Variants in ABCC4 observed in about 807,000 individuals in gnomAD.
The protein encoded by ABCC4 is ATP binding cassette subfamily C member 4 (PEL blood group), also known as ATP-binding cassette sub-family C member 4.
In ABCC4, 102 loss-of-function variants were observed where a neutral mutation model predicts 168.5. That is an observed-to-expected ratio of 0.61 (90% CI 0.52 to 0.71). The LOEUF is 0.71. Ranked by LOEUF, ABCC4 falls within the 30% of genes least tolerant of loss-of-function variation. The pLI, the probability that ABCC4 is intolerant of heterozygous loss-of-function variation, is 0.00. For missense variants in ABCC4, 1,402 were observed against 1,605.8 expected, an observed-to-expected ratio of 0.87 and a Z score of 2.17; for synonymous variants, 617 against 590.7, an observed-to-expected ratio of 1.04 and a Z score of -0.65.
At chr13:95,198,409 T>TAC (rs1180007038) in intron 8 of ABCC4, among the ~76,000 whole-genome samples, 3 of 152,172 alleles carry the variant, frequency 2.0e-5, no homozygotes. Context: ...CACAATGAGA[T>TAC]ACCATCTCAC....
chr13:95,282,162 C>G (rs1409178178), intron 1 of ABCC4, among the ~76,000 whole-genome samples: 1 of 150,204 alleles, frequency 6.7e-6, no homozygotes, highest in African/African-American at 2.4e-5. Context: ...AAATCCCCGT[C>G]TTCAAATACA....
intron 29 of ABCC4, among the ~76,000 whole-genome samples, chr13:95,040,318 G>A (rs1284769724): frequency 5.9e-5 from 9 of 152,132 alleles, no homozygotes; most frequent in East Asian, 1.9e-4. Context: ...TGCAACCTCC[G>A]CCTCCCAGGT....
rs1462740863 is a variant in ABCC4 at position 95,176,331 on chromosome 13, C to CA, written c.1727+1375dup. Among the ~76,000 whole-genome samples the CA allele has an allele frequency of 6.3e-4, 89 of 140,474 alleles. 1 individual carries two copies. In the Middle Eastern group the frequency reaches 0.024, roughly 38 times the overall value. 92.2% of individuals were successfully genotyped at this position (140,474 alleles called of 152,430 possible). A position where few individuals can be genotyped will look rare whatever the true frequency, so the allele number is the denominator to read the frequency against. Reference sequence around the variant, plus strand: ...ACAACATGGCAAAGCCCCCTCTCTTCAAAAAAACACTGAATGAGCTGGGCA... The same window carrying CA: ...ACAACATGGCAAAGCCCCCTCTCTTCAAAAAAAACACTGAATGAGCTGGGCA... On this transcript the variant is annotated intron_variant, in intron 13 of 30. Coordinates refer to ENST00000645237, the MANE Select transcript of ABCC4 (RefSeq NM_005845.5).
At chr13:95,134,514 A>G (rs2036077045) in intron 19 of ABCC4, among the ~76,000 whole-genome samples, 1 of 152,150 alleles carries the variant, frequency 6.6e-6, no homozygotes, top group Non-Finnish European at 1.5e-5. Context: ...TGAGCTCAGG[A>G]GTTCGAGATC....
At chr13:95,083,086 G>A in intron 21 of ABCC4, 54 bp downstream of exon 21, 2 of 1,563,604 alleles carry the variant, frequency 1.3e-6, no homozygotes, top group Non-Finnish European at 1.7e-6. Context: ...GTAATTTATG[G>A]CATAAATGGA....
chr13:95,245,931 C>T (rs1204848776), intron 3 of ABCC4, among the ~76,000 whole-genome samples: 5 of 145,068 alleles, frequency 3.4e-5, no homozygotes, highest in African/African-American at 1.0e-4. Flanking sequence ...CCCCATCCTG[C>T]ATTTAAAGCC....
intron 1 of ABCC4, among the ~76,000 whole-genome samples, chr13:95,290,237 C>T (rs1431216424): frequency 2.0e-5 from 3 of 152,096 alleles, no homozygotes; most frequent in Non-Finnish European, 2.9e-5. Flanking sequence ...ATTTTTATGG[C>T]TGTCCAGGTG....
At chr13:95,224,226 TA>T (rs2138722810) in intron 4 of ABCC4, among the ~76,000 whole-genome samples, 1 of 148,280 alleles carries the variant, frequency 6.7e-6, no homozygotes, top group African/African-American at 2.5e-5. Flanking sequence ...AGAGAAACAT[TA>T]CAAACAAGGT....
intron 1 of ABCC4, among the ~76,000 whole-genome samples, chr13:95,280,233 T>C (rs945839951): frequency 1.1e-4 from 16 of 151,756 alleles, no homozygotes; most frequent in African/African-American, 3.9e-4. Context: ...CTGACCAACA[T>C]AGTGAAACCC....
chr13:95,043,916 G>A (rs1253899516), intron 28 of ABCC4, 129 bp from the exon 29 acceptor site: 2 of 637,914 alleles, frequency 3.1e-6, no homozygotes, highest in East Asian at 5.5e-5. Context: ...TAAAAATCAT[G>A]TTAAAATGTT....
chr13:95,186,707 C>G lies in ABCC4; in HGVS notation c.1539G>C (p.Leu513=), dbSNP rs2038073300. The change falls in exon 11 of 31, where the codon CTG becomes CTC. Residue 513 remains leucine, a synonymous_variant. Transcript: ENST00000645237. ...RYEKVIKACA[L]KKDLQLLEDG... ...TCCAAAAGTCATCACTCACCTTTTT[C>G]AGAGCACAAGCCTTTATGACTTTTT... is the stretch of plus-strand genomic sequence containing the variant. The G allele has an allele frequency of 6.2e-7, 1 of 1,611,502 alleles. No homozygotes were observed. The highest frequency in any genetic ancestry group is 8.5e-7 in the Non-Finnish European group (1 of 1,178,794).
chr13:95,116,947 TC>T (rs2139414705), intron 19 of ABCC4, among the ~76,000 whole-genome samples: 1 of 152,312 alleles, frequency 6.6e-6, no homozygotes, highest in Non-Finnish European at 1.5e-5. Flanking sequence ...AGGATTGACT[TC>T]GTCCTGGGGC....
rs538099479 is a variant in ABCC4 at position 95,123,439 on chromosome 13, C to T, written c.2456-7438G>A. On this transcript the variant is annotated intron_variant, in intron 19 of 30. Transcript: ENST00000645237. ...GCACACTAGCACGATCTCGGCTCAC[C>T]GCAACCTCCACTTCCCAGATCCAAG... 9.9e-5 allele frequency among the ~76,000 whole-genome samples: 15 copies of T among 152,234 alleles called. No individual in the cohort carries two copies. In the East Asian group the frequency reaches 1.4e-3, roughly 14 times the overall value.
At chr13:95,207,967 A>G (rs556353683) in intron 6 of ABCC4, 42 bp from the exon 7 acceptor site, 1 of 1,590,258 alleles carries the variant, frequency 6.3e-7, no homozygotes, top group Non-Finnish European at 8.5e-7. Flanking sequence ...GAGCGATCAC[A>G]GCCTGCCCTT....
At chr13:95,296,181 C>CA (rs1354544000) in intron 1 of ABCC4, among the ~76,000 whole-genome samples, 2 of 35,970 alleles carry the variant, frequency 5.6e-5, no homozygotes, top group African/African-American at 2.5e-4. Context: ...CACACACACA[C>CA]ACAAAAACAC....
intron 1 of ABCC4, among the ~76,000 whole-genome samples, chr13:95,288,669 C>T (rs990049674): frequency 1.3e-5 from 2 of 151,706 alleles, no homozygotes; most frequent in Non-Finnish European, 2.9e-5. Context: ...AGCCAGGTGT[C>T]ATGGCACAAG....
At chr13:95,057,864 T>G (rs755446291) in intron 26 of ABCC4, among the ~76,000 whole-genome samples, 1 of 152,262 alleles carries the variant, frequency 6.6e-6, no homozygotes, top group African/African-American at 2.4e-5. Context: ...CCTACATCAG[T>G]GTGTGGTGAC....
intron 4 of ABCC4, among the ~76,000 whole-genome samples, chr13:95,219,426 G>A (rs1298693678): frequency 6.6e-6 from 1 of 152,156 alleles, no homozygotes; most frequent in Admixed American, 6.5e-5. Flanking sequence ...CATGGTCTAG[G>A]GTTAGGTCAG....
At chr13:95,190,132 C>T (rs2038208454) in intron 9 of ABCC4, among the ~76,000 whole-genome samples, 1 of 151,846 alleles carries the variant, frequency 6.6e-6, no homozygotes, top group Admixed American at 6.6e-5. Flanking sequence ...ATCACTTGAG[C>T]CTAGGAGTTC....
Sources: gnomAD v4.1 joint callset for allele counts (sites outside exome capture counted in the v4.1 genomes callset) on GRCh38, gnomAD v4.1.1 for gene constraint, MANE v1.5 for transcripts, NCBI Gene and HGNC (gene_info 2026-07-23, HGNC 2026-07-21) for gene names.